EPHA6: variants seen among roughly 807,000 people sequenced by gnomAD.
The protein encoded by EPHA6 is EPH receptor A6.
Under a neutral mutation model 112.0 loss-of-function variants are expected in EPHA6, and 50 were observed. That is an observed-to-expected ratio of 0.45 (90% confidence interval 0.36 to 0.56). The LOEUF (loss-of-function observed/expected upper bound fraction) is 0.56. Among genes scored for constraint, EPHA6 ranks in the 20% least tolerant of loss-of-function variants. The probability of loss-of-function intolerance (pLI) is 0.00; values close to 1 mark genes in which losing one functional copy is unlikely to be tolerated. For synonymous variants in EPHA6, 529 were observed against 490.7 expected (o/e 1.08, Z -1.03); for missense variants, 1,280 against 1,417.4 (o/e 0.90, Z 1.56).
chr3:97,734,260 G>C (rs894135746), intron 15 of EPHA6, among the ~76,000 whole-genome samples: 8 of 152,004 alleles, frequency 5.3e-5, no homozygotes, highest in Non-Finnish European at 7.4e-5. Flanking sequence ...AGCACTCCTA[G>C]AGTGGGATTT....
intron 2 of EPHA6, among the ~76,000 whole-genome samples, chr3:96,982,108 G>A (rs1238343789): frequency 2.0e-5 from 3 of 152,076 alleles, no homozygotes; most frequent in Admixed American, 6.6e-5. Context: ...TTTTGAATGT[G>A]TTTGCTCTTG....
intron 14 of EPHA6, among the ~76,000 whole-genome samples, chr3:97,709,280 G>T (rs2033845137): frequency 6.6e-6 from 1 of 152,214 alleles, no homozygotes; most frequent in African/African-American, 2.4e-5. Context: ...TCTTGCATCA[G>T]TGTGGCCTGG....
intron 3 of EPHA6, among the ~76,000 whole-genome samples, chr3:97,123,919 G>A (rs1441933162): frequency 1.3e-5 from 2 of 152,042 alleles, no homozygotes; most frequent in African/African-American, 2.4e-5. Flanking sequence ...CAGAGAGAGA[G>A]AGAGAGAGAG....
chr3:97,260,845 T>A (rs2079477253), intron 5 of EPHA6, among the ~76,000 whole-genome samples: 1 of 152,160 alleles, frequency 6.6e-6, no homozygotes. Flanking sequence ...GATTTTGAAA[T>A]CCATAAATGC....
chr3:97,251,136 G>T (rs2079125258), intron 5 of EPHA6, among the ~76,000 whole-genome samples: 1 of 151,988 alleles, frequency 6.6e-6, no homozygotes, highest in Admixed American at 6.5e-5. Context: ...AAAGTACTGG[G>T]ATTACAGGCA....
In EPHA6 at chr3:97,322,456, T is replaced by C. The variant is rs145026625; in HGVS notation, c.1606+78169T>C. Among the ~76,000 whole-genome samples the C allele has an allele frequency of 3.7e-3, 570 of 152,092 alleles. 6 individuals carry two copies. The highest frequency in any genetic ancestry group is 0.012 in the African/African-American group (509 of 41,480). ...GTACACACAAGGTGACCTTTAGAAG[T>C]TACCCACTATTCTCAAAATGACACT... On this transcript the variant is annotated intron_variant, in intron 5 of 17. Transcript: ENST00000389672.
At chr3:96,957,703 T>G (rs1257268672) in intron 2 of EPHA6, among the ~76,000 whole-genome samples, 1 of 152,208 alleles carries the variant, frequency 6.6e-6, no homozygotes, top group African/African-American at 2.4e-5. Context: ...ATTCTGTTAA[T>G]TTTTAGTTAG....
In EPHA6 at chr3:97,532,219, T is replaced by C. The variant is rs191247066; in HGVS notation, c.2201-139T>C. 257 of 694,186 alleles carry C rather than the reference T, an allele frequency of 3.7e-4. No homozygotes were observed. In the African/African-American group the frequency reaches 4.2e-3, roughly 11 times the overall value. The allele number at this position is 694,186 out of a possible 1,614,324, so 43.0% of individuals were successfully genotyped here. A position where few individuals can be genotyped will look rare whatever the true frequency, so the allele number is the denominator to read the frequency against. ...ATATTATCCTTATAAACTTACTCTT[T>C]AAGAAAGAAATGTTTATATGAAAAT... is the stretch of plus-strand genomic sequence containing the variant. On this transcript the variant is annotated intron_variant, in intron 10 of 17. Coordinates refer to ENST00000389672, the MANE Select transcript of EPHA6 (RefSeq NM_001080448.3).
Position 97,507,865 on chromosome 3 carries a change from G to A in EPHA6, c.2200+23806G>A, listed in dbSNP as rs557110687. 2.1e-3 allele frequency among the ~76,000 whole-genome samples: 314 copies of A among 152,014 alleles called. 3 individuals carry two copies. The highest frequency in any genetic ancestry group is 7.3e-3 in the African/African-American group (304 of 41,462). Reference sequence around the variant, plus strand: ...TTGTTATTGATCTATTCAGGGATTCGACTTCTTCCTGGTTTAGCCTTGGGA... The same window carrying A: ...TTGTTATTGATCTATTCAGGGATTCAACTTCTTCCTGGTTTAGCCTTGGGA... On this transcript the variant is annotated intron_variant, in intron 10 of 17. Coordinates refer to ENST00000389672, the MANE Select transcript of EPHA6 (RefSeq NM_001080448.3).
intron 3 of EPHA6, among the ~76,000 whole-genome samples, chr3:97,095,262 T>G (rs1391751916): frequency 1.3e-5 from 2 of 151,772 alleles, no homozygotes; most frequent in African/African-American, 4.8e-5. Context: ...TAAGAACACT[T>G]GGACACAGGA....
chr3:97,575,274 C>T (rs972858405), intron 11 of EPHA6, among the ~76,000 whole-genome samples: 1 of 152,032 alleles, frequency 6.6e-6, no homozygotes, highest in African/African-American at 2.4e-5. Flanking sequence ...ATGCAATAAC[C>T]TAATACTCAT....
rs1378322649 is a variant in EPHA6, at chr3:97,267,683, T to C, written c.1606+23396T>C. 1.3e-5 allele frequency among the ~76,000 whole-genome samples: 2 copies of C among 152,134 alleles called. 1 individual carries two copies. Among genetic ancestry groups the C allele is most frequent in the Non-Finnish European group, 2.9e-5 (2 of 67,992 alleles). On this transcript the variant is annotated intron_variant, in intron 5 of 17. Transcript: ENST00000389672. ...CTGACCCAAATGGAAGATAAAGTGATTTAAGTGTAAAAAGTCACCTACCGT... is the reference window on the plus strand; with the variant it reads ...CTGACCCAAATGGAAGATAAAGTGACTTAAGTGTAAAAAGTCACCTACCGT...
intron 11 of EPHA6, among the ~76,000 whole-genome samples, chr3:97,557,729 C>A (rs1441170737): frequency 6.6e-6 from 1 of 151,866 alleles, no homozygotes; most frequent in African/African-American, 2.4e-5. Flanking sequence ...TATGCTGAAT[C>A]TATCCCCTTT....
intron 7 of EPHA6, among the ~76,000 whole-genome samples, chr3:97,459,197 G>A (rs2090802065): frequency 6.6e-6 from 1 of 152,026 alleles, no homozygotes; most frequent in African/African-American, 2.4e-5. Context: ...AGAGCATGGA[G>A]CTTTCTAGTA....
intron 2 of EPHA6, among the ~76,000 whole-genome samples, chr3:96,913,710 G>GTA (rs2039346323): frequency 6.6e-6 from 1 of 152,018 alleles, no homozygotes; most frequent in Non-Finnish European, 1.5e-5. Context: ...TTATGTACTA[G>GTA]TACTCAATAA....
chr3:97,086,921 C>T (rs887972915), intron 3 of EPHA6, among the ~76,000 whole-genome samples: 7 of 152,058 alleles, frequency 4.6e-5, no homozygotes, highest in African/African-American at 1.4e-4. Flanking sequence ...GTAATTAAAT[C>T]ATATGCAATT....
chr3:97,714,794 G>A (rs1293943328), intron 14 of EPHA6, among the ~76,000 whole-genome samples: 1 of 152,148 alleles, frequency 6.6e-6, no homozygotes, highest in East Asian at 1.9e-4. Flanking sequence ...AAAAGCTGCT[G>A]AAACGAGACC....
chr3:97,676,093 A>G (rs930943824), intron 14 of EPHA6, among the ~76,000 whole-genome samples: 2 of 152,114 alleles, frequency 1.3e-5, no homozygotes, highest in African/African-American at 4.8e-5. Flanking sequence ...TTGAGCAGAA[A>G]GGCTGGAGTT....
At chr3:96,870,631 G>A (rs556945122) in intron 2 of EPHA6, among the ~76,000 whole-genome samples, 17 of 152,168 alleles carry the variant, frequency 1.1e-4, no homozygotes, top group African/African-American at 4.1e-4. Flanking sequence ...AACCATCACA[G>A]TTAGGAAAAT....
Sources: allele counts gnomAD v4.1 joint callset (sites outside exome capture counted in the v4.1 genomes callset), GRCh38; gene constraint gnomAD v4.1.1; transcripts MANE v1.5; gene names NCBI Gene and HGNC (gene_info 2026-07-23, HGNC 2026-07-21).